Variants in NDUFA2 observed in about 807,000 individuals in gnomAD.
The protein encoded by NDUFA2 is NADH dehydrogenase [ubiquinone] 1 alpha subcomplex subunit 2.
In NDUFA2, 9 loss-of-function variants were observed where a neutral mutation model predicts 11.4. The ratio of observed to expected loss-of-function variants is 0.79; its 90% confidence interval spans 0.48 to 1.38. The LOEUF (loss-of-function observed/expected upper bound fraction) is 1.38, where lower values mean the gene tolerates loss of function less well. NDUFA2 is among the 40% of genes most tolerant of loss of function. The pLI is 0.00. For synonymous variants in NDUFA2, 49 were observed against 54.0 expected (o/e 0.91, Z 0.41); for missense variants, 150 against 131.2 (o/e 1.14, Z -0.70).
chr5:140,646,607 G>A (rs1450452920), intron 2 of NDUFA2, among the ~76,000 whole-genome samples: 1 of 152,068 alleles, frequency 6.6e-6, no homozygotes, highest in African/African-American at 2.4e-5. Flanking sequence ...AACATTTATT[G>A]CATACCTACA....
intron 2 of NDUFA2, 77 bp downstream of exon 2, chr5:140,647,179 G>T: frequency 6.9e-7 from 1 of 1,442,478 alleles, no homozygotes; most frequent in South Asian, 1.4e-5. Flanking sequence ...GTTTCTGCAC[G>T]ACCTTGGGCG....
chr5:140,645,862 C>T, intron 2 of NDUFA2, 184 bp from the exon 3 acceptor site: 2 of 1,123,958 alleles, frequency 1.8e-6, no homozygotes, highest in African/African-American at 1.6e-5. Flanking sequence ...CTAGGAAGCC[C>T]AAGTCCAAAT....
chr5:140,647,038 G>A (rs529893045), intron 2 of NDUFA2: 2 of 521,818 alleles, frequency 3.8e-6, no homozygotes, highest in South Asian at 6.1e-5. Context: ...TGGTCCCTAC[G>A]CAGGATTCGG....
In NDUFA2 at chr5:140,647,530, C is replaced by T; in HGVS notation, c.54G>A (p.Glu18=). The change falls in exon 1 of 3, where the codon GAG becomes GAA. Residue 18 remains glutamate (E), a synonymous_variant. Transcript: ENST00000252102. ...RGVGAKLGLR[E]IRIHLCQRSP... The stretch of plus-strand genomic sequence containing the variant: ...AGCGCTGACATAAGTGGATGCGAAT[C>T]TCACGCAGGCCCAGCTTTGCCCCGA... 6.2e-7 allele frequency: 1 copy of T among 1,612,502 alleles called. No individual in the cohort carries two copies. The highest frequency in any genetic ancestry group is 8.5e-7 in the Non-Finnish European group (1 of 1,180,032).
intron 2 of NDUFA2, 58 bp from the exon 3 acceptor site, chr5:140,645,736 A>G: frequency 1.2e-6 from 2 of 1,612,442 alleles, no homozygotes; most frequent in East Asian, 2.2e-5. Flanking sequence ...CTACCAAAGT[A>G]AAATAAAAGA....
chr5:140,647,488 G>A lies in NDUFA2; in HGVS notation c.96C>T (p.Gly32=), dbSNP rs777827533. The A allele has an allele frequency of 4.3e-6, 7 of 1,612,092 alleles. No homozygotes were observed. Among genetic ancestry groups the A allele is most frequent in the Middle Eastern group, 3.3e-4 (2 of 6,080 alleles). ...HLCQRSPGSQ[G]VRDFIEKRYV... ...CTCACCACGCCGCGCCTCACCTGAC[G>A]CCCTGGCTGCCGGGCGAGCGCTGAC... Residue 32 remains glycine, a synonymous_variant, in exon 1 of 3, where the codon GGC becomes GGT. Coordinates refer to ENST00000252102, the MANE Select transcript of NDUFA2 (RefSeq NM_002488.5).
chr5:140,646,868 C>T (rs185838187), intron 2 of NDUFA2, among the ~76,000 whole-genome samples: 42 of 152,238 alleles, frequency 2.8e-4, no homozygotes, highest in African/African-American at 8.7e-4. Context: ...ATGAGTTAGG[C>T]AGGGAAGCAC....
intron 2 of NDUFA2, among the ~76,000 whole-genome samples, chr5:140,645,881 G>C (rs1757364868): frequency 6.6e-6 from 1 of 152,118 alleles, no homozygotes; most frequent in Non-Finnish European, 1.5e-5. Flanking sequence ...ATAGAATTTT[G>C]GCTGATTCTG....
Position 140,645,694 on chromosome 5 carries a change from G to A in NDUFA2, c.209-16C>T. On this transcript the variant is annotated splice_polypyrimidine_tract_variant and intron_variant, in intron 2 of 2. Coordinates refer to ENST00000252102, the MANE Select transcript of NDUFA2 (RefSeq NM_002488.5). The stretch of plus-strand genomic sequence containing the variant: ...TGGCCAAATGCTGAAGAGAGAGAGG[G>A]AGGTGTCTTTAACTATTCTGCACCC... 6.2e-7 allele frequency: 1 copy of A among 1,614,180 alleles called. No homozygotes were observed. The highest frequency in any genetic ancestry group is 8.5e-7 in the Non-Finnish European group (1 of 1,180,020).
rs2149802839 is a variant in NDUFA2 at position 140,647,237 on chromosome 5, C to T, written c.208+19G>A. 6.5e-7 allele frequency: 1 copy of T among 1,530,712 alleles called. No homozygotes were observed. The highest frequency in any genetic ancestry group is 1.3e-5 in the South Asian group (1 of 76,704). The allele number at this position is 1,530,712 out of a possible 1,614,324, so 94.8% of individuals were successfully genotyped here. ...TGTTCCCCTACCGGAGCCCCAGACC[C>T]CTGGCGTCCCGCACTCACCGTAGCG... On this transcript the variant is annotated intron_variant, in intron 2 of 2. Coordinates refer to ENST00000252102, the MANE Select transcript of NDUFA2 (RefSeq NM_002488.5).
chr5:140,646,682 G>A (rs761141504), intron 2 of NDUFA2, among the ~76,000 whole-genome samples: 4 of 152,126 alleles, frequency 2.6e-5, no homozygotes, highest in Non-Finnish European at 5.9e-5. Context: ...GTCTTAGAGG[G>A]GTAAGTGCAT....
chr5:140,646,424 C>G (rs1021462188), intron 2 of NDUFA2, among the ~76,000 whole-genome samples: 7 of 152,058 alleles, frequency 4.6e-5, no homozygotes, highest in African/African-American at 1.4e-4. Flanking sequence ...GAAGGAGAAG[C>G]TTTTTTCCTT....
chr5:140,645,452 G>A lies in NDUFA2; in HGVS notation c.*135C>T. The A allele has an allele frequency of 8.5e-7, 1 of 1,181,290 alleles. No homozygotes were observed. Among genetic ancestry groups the A allele is most frequent in the Non-Finnish European group, 1.2e-6 (1 of 815,448 alleles). 73.2% of individuals were successfully genotyped at this position (1,181,290 alleles called of 1,614,324 possible). ...ACAGTAAGGGGTAGAGGGTAGATGA[G>A]GACAAGAACACCCTGAGAAAGTATT... On this transcript the variant is annotated 3_prime_UTR_variant, in exon 3 of 3. Coordinates refer to ENST00000252102, the MANE Select transcript of NDUFA2 (RefSeq NM_002488.5).
Position 140,647,327 on chromosome 5 carries a change from T to G in NDUFA2, c.137A>C (p.Lys46Thr). ...TAGGATGGGTAGGTCGGGATTCGCCTTCTTCAGCTCCACGTAGCGTTTCTC... is the reference window on the plus strand; with the variant it reads ...TAGGATGGGTAGGTCGGGATTCGCCGTCTTCAGCTCCACGTAGCGTTTCTC... ...FIEKRYVELKKANPDLPILIR... is the reference protein window; with the variant it reads ...FIEKRYVELKTANPDLPILIR... The change falls in exon 2 of 3, where the codon AAG becomes ACG. Residue 46 changes from lysine (K) to threonine (T), a missense_variant. Transcript: ENST00000252102. 1 of 1,603,080 alleles carries G rather than the reference T, an allele frequency of 6.2e-7. No homozygotes were observed. The highest frequency in any genetic ancestry group is 8.5e-7 in the Non-Finnish European group (1 of 1,172,920).
At position 140,647,231 on chromosome 5, in the gene NDUFA2, C is replaced by T. The variant is rs368235386; in HGVS notation, c.208+25G>A. 1.0e-5 allele frequency: 16 copies of T among 1,526,120 alleles called. No individual in the cohort carries two copies. In the African/African-American group the frequency reaches 1.1e-4, roughly 11 times the overall value. The allele number at this position is 1,526,120 out of a possible 1,614,324, so 94.5% of individuals were successfully genotyped here. On this transcript the variant is annotated intron_variant, in intron 2 of 2. Transcript: ENST00000252102. The stretch of plus-strand genomic sequence containing the variant: ...AACCCTTGTTCCCCTACCGGAGCCC[C>T]AGACCCCTGGCGTCCCGCACTCACC...
intron 1 of NDUFA2, 45 bp downstream of exon 1, chr5:140,647,438 C>T (rs1757470157): frequency 8.1e-6 from 13 of 1,607,876 alleles, no homozygotes; most frequent in African/African-American, 1.3e-5. Context: ...GAGGTCGTGA[C>T]CCTGGCGTCC....
Position 140,645,625 on chromosome 5 carries a change from T to C in NDUFA2, c.262A>G (p.Thr88Ala). The C allele has an allele frequency of 6.2e-7, 1 of 1,614,164 alleles. No individual in the cohort carries two copies. The highest frequency in any genetic ancestry group is 8.5e-7 in the Non-Finnish European group (1 of 1,180,020). The change falls in exon 3 of 3, where the codon ACC becomes GCC. Residue 88 changes from threonine (T) to alanine (A), a missense_variant. Physicochemically the swap from Thr to Ala is moderately conservative, Grantham distance 58. Transcript: ENST00000252102. ...PLNNFSADQV[T>A]RALENVLSGK... ...CTTAGAACGTTCTCCAGGGCTCTGG[T>C]TACCTGATCAGCACTGAAGTTGTTC...
chr5:140,645,746 A>T (rs1245131340), intron 2 of NDUFA2, 68 bp from the exon 3 acceptor site: 1 of 1,609,622 alleles, frequency 6.2e-7, no homozygotes, highest in Admixed American at 1.7e-5. Context: ...AAAATAAAAG[A>T]TCTTTGTCTT....
At position 140,645,594 on chromosome 5, in the gene NDUFA2, T is replaced by C. The variant is rs757640873; in HGVS notation, c.293A>G (p.Lys98Arg). The C allele has an allele frequency of 2.5e-6, 4 of 1,614,030 alleles. No individual in the cohort carries two copies. Among genetic ancestry groups the C allele is most frequent in the Admixed American group, 1.7e-5 (1 of 59,994 alleles). ...TAATCCTCAGTGGAGGCTTCAGGCT[T>C]TACCACTTAGAACGTTCTCCAGGGC... Reference protein sequence around the residue: ...TRALENVLSGKA With the variant: ...TRALENVLSGRA Residue 98 changes from lysine (K) to arginine (R), a missense_variant, in exon 3 of 3, where the codon AAA becomes AGA. Transcript: ENST00000252102.
Sources: gnomAD v4.1 joint callset for allele counts (sites outside exome capture counted in the v4.1 genomes callset) on GRCh38, gnomAD v4.1.1 for gene constraint, MANE v1.5 for transcripts, NCBI Gene and HGNC (gene_info 2026-07-23, HGNC 2026-07-21) for gene names.